Variants in SCAPER observed in about 807,000 individuals in gnomAD.
The protein encoded by SCAPER is S phase cyclin A-associated protein in the endoplasmic reticulum.
SCAPER carries 98 observed loss-of-function variants against 182.2 expected under a neutral mutation model. The observed-to-expected ratio is 0.54, with a 90% CI of 0.46 to 0.64. The LOEUF (loss-of-function observed/expected upper bound fraction) is 0.64. Ranked by LOEUF, SCAPER falls within the 30% of genes least tolerant of loss-of-function variation. The probability of loss-of-function intolerance (pLI) is 0.00; values close to 1 mark genes in which losing one functional copy is unlikely to be tolerated. For missense variants in SCAPER, 1,432 were observed against 1,690.0 expected (o/e 0.85, Z 2.68); for synonymous variants, 605 against 564.6 (o/e 1.07, Z -1.01).
chr15:76,874,447 C>A (rs2073003979), intron 2 of SCAPER, among the ~76,000 whole-genome samples: 1 of 150,352 alleles, frequency 6.7e-6, no homozygotes, highest in African/African-American at 2.5e-5. Flanking sequence ...AGCAAAAAAT[C>A]AATATAATAC....
intron 25 of SCAPER, among the ~76,000 whole-genome samples, chr15:76,464,500 A>G (rs1456556637): frequency 1.3e-5 from 2 of 152,022 alleles, no homozygotes; most frequent in Non-Finnish European, 1.5e-5. Context: ...TCAGTCCTAC[A>G]TATGTGTGGG....
intron 23 of SCAPER, among the ~76,000 whole-genome samples, chr15:76,518,502 C>T (rs963092790): frequency 6.6e-6 from 1 of 152,086 alleles, no homozygotes; most frequent in Non-Finnish European, 1.5e-5. Context: ...TTAATTTAGT[C>T]TAAAGGAAAC....
chr15:76,642,345 C>T (rs1163777046), intron 21 of SCAPER, among the ~76,000 whole-genome samples: 1 of 152,144 alleles, frequency 6.6e-6, no homozygotes, highest in Non-Finnish European at 1.5e-5. Flanking sequence ...AAGGCAGCTA[C>T]ATTACACATA....
intron 25 of SCAPER, among the ~76,000 whole-genome samples, chr15:76,436,130 C>T (rs573981950): frequency 4.9e-4 from 75 of 152,212 alleles, no homozygotes; most frequent in African/African-American, 1.3e-3. Context: ...TGCAGTGGCA[C>T]GATCTCAGCT....
At chr15:76,799,807 T>C (rs2065619842) in intron 7 of SCAPER, among the ~76,000 whole-genome samples, 1 of 152,132 alleles carries the variant, frequency 6.6e-6, no homozygotes, top group South Asian at 2.1e-4. Context: ...TTTGGGGTCT[T>C]TTGGCTGTGG....
chr15:76,791,284 T>C (rs189159788), intron 8 of SCAPER, among the ~76,000 whole-genome samples: 30 of 152,306 alleles, frequency 2.0e-4, no homozygotes, highest in Non-Finnish European at 3.8e-4. Flanking sequence ...GTGAAGGAGC[T>C]TGTGCTAAAA....
intron 10 of SCAPER, among the ~76,000 whole-genome samples, chr15:76,769,520 A>G (rs1163902940): frequency 6.6e-6 from 1 of 152,012 alleles, no homozygotes; most frequent in Non-Finnish European, 1.5e-5. Flanking sequence ...ATGAACAGAC[A>G]TTTCTCAAAA....
intron 24 of SCAPER, among the ~76,000 whole-genome samples, chr15:76,502,141 T>G (rs2041179412): frequency 6.6e-6 from 1 of 152,210 alleles, no homozygotes; most frequent in African/African-American, 2.4e-5. Context: ...AAGTAGCACT[T>G]AGTTGAAAAC....
intron 2 of SCAPER, among the ~76,000 whole-genome samples, chr15:76,880,953 T>G (rs1193763466): frequency 6.6e-6 from 1 of 152,198 alleles, no homozygotes; most frequent in African/African-American, 2.4e-5. Context: ...GCACTGTTGG[T>G]GGGAATTTTA....
chr15:76,508,860 G>T (rs927491150), intron 23 of SCAPER, among the ~76,000 whole-genome samples: 1 of 152,066 alleles, frequency 6.6e-6, no homozygotes, highest in Non-Finnish European at 1.5e-5. Context: ...AGCGACAACT[G>T]ATTTGTTTCA....
chr15:76,450,312 T>G (rs1406227748), intron 25 of SCAPER, among the ~76,000 whole-genome samples: 1 of 152,206 alleles, frequency 6.6e-6, no homozygotes, highest in Non-Finnish European at 1.5e-5. Flanking sequence ...AGACACTGAA[T>G]TAAGAAGGTA....
intron 27 of SCAPER, among the ~76,000 whole-genome samples, chr15:76,389,518 A>G (rs2043518728): frequency 6.8e-6 from 1 of 147,554 alleles, no homozygotes; most frequent in African/African-American, 2.5e-5. Flanking sequence ...AAAAAAAAAA[A>G]AAAAAAAAAA....
chr15:76,680,411 GATAATAATAATA>G (rs10569185), intron 20 of SCAPER, among the ~76,000 whole-genome samples: 29,126 of 142,478 alleles, frequency 0.2, 3,402 homozygotes, highest in East Asian at 0.51. Flanking sequence ...TGATGATGAT[GATAATAATAATA>G]ATAATAATAA....
intron 27 of SCAPER, among the ~76,000 whole-genome samples, chr15:76,385,927 C>T (rs1259946993): frequency 1.3e-5 from 2 of 152,178 alleles, no homozygotes; most frequent in East Asian, 3.9e-4. Context: ...TAATATTTTA[C>T]AGTTCTGAAA....
In SCAPER at chr15:76,804,590, G is replaced by T; in HGVS notation, c.437C>A (p.Ala146Glu). The change falls in exon 6 of 32, where the codon GCA (alanine) becomes GAA (glutamate). Residue 146 changes from alanine (A) to glutamate (E), a missense_variant. Physicochemically the swap from Ala to Glu is moderately radical, Grantham distance 107 (BLOSUM62 -1). Coordinates refer to ENST00000563290, the MANE Select transcript of SCAPER (RefSeq NM_020843.4). ...CTGAAGCTGAATCCAGTCAATCAAT[G>T]CTTTGAAATCTCTTACATAGTTATC... ...MLDNYVRDFKALIDWIQLQEK... is the reference protein window; with the variant it reads ...MLDNYVRDFKELIDWIQLQEK... 1 of 1,611,478 alleles carries T rather than the reference G, an allele frequency of 6.2e-7. No individual in the cohort carries two copies. The highest frequency in any genetic ancestry group is 8.5e-7 in the Non-Finnish European group (1 of 1,179,348).
chr15:76,894,367 G>A (rs2074317316), intron 1 of SCAPER, among the ~76,000 whole-genome samples: 1 of 152,154 alleles, frequency 6.6e-6, no homozygotes. Context: ...CGAGGCTGTA[G>A]TGTGCTCTGA....
At chr15:76,821,328 T>C (rs2067521034) in intron 5 of SCAPER, among the ~76,000 whole-genome samples, 1 of 152,180 alleles carries the variant, frequency 6.6e-6, no homozygotes, top group Non-Finnish European at 1.5e-5. Flanking sequence ...TATTTTAAAA[T>C]ATGGCAGGGG....
At chr15:76,543,067 A>G (rs2044920387) in intron 23 of SCAPER, among the ~76,000 whole-genome samples, 2 of 152,142 alleles carry the variant, frequency 1.3e-5, no homozygotes, top group Non-Finnish European at 2.9e-5. Flanking sequence ...ATCTCCATAG[A>G]TTTTAAATAG....
At chr15:76,373,075 T>G (rs1439963160) in intron 29 of SCAPER, among the ~76,000 whole-genome samples, 5 of 149,104 alleles carry the variant, frequency 3.4e-5, no homozygotes, top group African/African-American at 1.2e-4. Flanking sequence ...TGAGACAGAG[T>G]CTCGCTCTGT....
Sources: gnomAD v4.1 joint callset for allele counts (sites outside exome capture counted in the v4.1 genomes callset) on GRCh38, gnomAD v4.1.1 for gene constraint, MANE v1.5 for transcripts, NCBI Gene and HGNC (gene_info 2026-07-23, HGNC 2026-07-21) for gene names.